HMGCLL1: variants seen among roughly 807,000 people sequenced by gnomAD.
HMGCLL1 encodes 3-hydroxy-3-methylglutaryl-CoA lyase like 1, also known as 3-hydroxymethyl-3-methylglutaryl-CoA lyase, cytoplasmic.
A neutral mutation model predicts 39.1 loss-of-function variants in HMGCLL1; 36 were observed. That is an observed-to-expected ratio of 0.92 (90% CI 0.71 to 1.22). The LOEUF is 1.22. Among genes scored for constraint, HMGCLL1 ranks in the 50% most tolerant of loss-of-function variants. HMGCLL1 has a pLI of 0.00. For synonymous variants in HMGCLL1, 149 were observed against 144.0 expected (o/e 1.03, Z -0.25); for missense variants, 451 against 416.5 (o/e 1.08, Z -0.72).
At chr6:55,463,482 C>A (rs1764673175) in intron 7 of HMGCLL1, among the ~76,000 whole-genome samples, 4 of 147,752 alleles carry the variant, frequency 2.7e-5, no homozygotes, top group Admixed American at 2.0e-4. Context: ...TTCTTTAGAA[C>A]TCTCTACTAA....
At chr6:55,623,055 C>G in the HMGCLL1 span, among the ~76,000 whole-genome samples, 499 of 152,002 alleles carry the variant, frequency 3.3e-3, 5 homozygotes, top group Middle Eastern at 0.01. Context: ...TATATAGTTG[C>G]TCATAATAGT....
chr6:55,541,800 T>C lies in HMGCLL1; in HGVS notation c.226A>G (p.Asn76Asp). The C allele has an allele frequency of 2.5e-6, 4 of 1,608,020 alleles. No homozygotes were observed. Among genetic ancestry groups the C allele is most frequent in the East Asian group, 2.2e-5 (1 of 44,646 alleles). The change falls in exon 3 of 9, where the codon AAT becomes GAT. Residue 76 changes from asparagine to aspartate, a missense_variant. By Grantham distance (23) the Asn-to-Asp change is conservative. Coordinates refer to ENST00000274901, the MANE Select transcript of HMGCLL1 (RefSeq NM_001042406.2). The stretch of plus-strand genomic sequence containing the variant: ...GACAAGCCAGTTTGGGAAAGTCGAT[T>C]GATAAATTCAATTTTTATATCTGTA... The part of the protein sequence containing the change: ...VPTDIKIEFI[N>D]RLSQTGLSVI...
the HMGCLL1 span, among the ~76,000 whole-genome samples, chr6:55,643,069 C>A: frequency 5.9e-5 from 9 of 152,112 alleles, no homozygotes; most frequent in Middle Eastern, 3.4e-3. Flanking sequence ...GTTTCCATTT[C>A]TTTACTATTG....
intron 3 of HMGCLL1, among the ~76,000 whole-genome samples, chr6:55,517,679 A>G (rs1767813206): frequency 6.6e-6 from 1 of 151,954 alleles, no homozygotes; most frequent in Admixed American, 6.6e-5. Flanking sequence ...AAATATTATA[A>G]TATTAAATAT....
chr6:55,623,751 TA>T, the HMGCLL1 span, among the ~76,000 whole-genome samples: 12 of 151,582 alleles, frequency 7.9e-5, no homozygotes, highest in East Asian at 2.3e-3. Flanking sequence ...TGTGTGTACA[TA>T]TATGTGTGTA....
intron 7 of HMGCLL1, among the ~76,000 whole-genome samples, chr6:55,450,704 G>A (rs956493176): frequency 6.6e-6 from 1 of 152,090 alleles, no homozygotes; most frequent in African/African-American, 2.4e-5. Flanking sequence ...ATAAAAGACA[G>A]AGCTAATTAA....
intron 1 of HMGCLL1, among the ~76,000 whole-genome samples, chr6:55,565,924 A>T (rs1035580900): frequency 6.6e-6 from 1 of 152,050 alleles, no homozygotes; most frequent in African/African-American, 2.4e-5. Flanking sequence ...CAGCTTTAAC[A>T]TTTGACCAGG....
At chr6:55,552,671 A>G (rs374840045) in intron 1 of HMGCLL1, among the ~76,000 whole-genome samples, 16 of 152,068 alleles carry the variant, frequency 1.1e-4, no homozygotes, top group East Asian at 1.9e-4. Context: ...TACTGAGTGG[A>G]CATTTAATGT....
At chr6:55,657,617 A>G in the HMGCLL1 span, among the ~76,000 whole-genome samples, 2 of 151,926 alleles carry the variant, frequency 1.3e-5, no homozygotes, top group African/African-American at 2.4e-5. Flanking sequence ...AGTCATGTTC[A>G]TTGTAGCACT....
At chr6:55,670,596 G>A in the HMGCLL1 span, among the ~76,000 whole-genome samples, 2 of 151,842 alleles carry the variant, frequency 1.3e-5, no homozygotes, top group South Asian at 4.1e-4. Flanking sequence ...ATATAGTTAT[G>A]TTTCCATATT....
At chr6:55,580,437 A>T (rs1771959759), upstream of HMGCLL1, among the ~76,000 whole-genome samples, 1 of 58,950 alleles carries the variant, frequency 1.7e-5, no homozygotes, top group Non-Finnish European at 3.4e-5. Flanking sequence ...TTTTTTTGAG[A>T]CGGAGTCTCG....
At chr6:55,565,060 A>T (rs529406117) in intron 1 of HMGCLL1, among the ~76,000 whole-genome samples, 1 of 152,190 alleles carries the variant, frequency 6.6e-6, no homozygotes, top group East Asian at 1.9e-4. Context: ...TTAATATATT[A>T]AAAGAAAAAA....
chr6:55,589,722 A>G, the HMGCLL1 span, among the ~76,000 whole-genome samples: 1 of 150,316 alleles, frequency 6.7e-6, no homozygotes, highest in African/African-American at 2.4e-5. Context: ...TACAAAATCA[A>G]TGTGCAAAAA....
At chr6:55,582,998 T>C (rs1772011193), upstream of HMGCLL1, among the ~76,000 whole-genome samples, 1 of 152,068 alleles carries the variant, frequency 6.6e-6, no homozygotes, top group East Asian at 1.9e-4. Flanking sequence ...TACGAATCTT[T>C]GTATGTATAA....
chr6:55,604,563 A>G, the HMGCLL1 span, among the ~76,000 whole-genome samples: 1 of 152,210 alleles, frequency 6.6e-6, no homozygotes, highest in Admixed American at 6.6e-5. Context: ...ATTATACTAG[A>G]GGGACATATT....
At chr6:55,450,833 GA>G (rs1561887607) in intron 7 of HMGCLL1, among the ~76,000 whole-genome samples, 1 of 152,124 alleles carries the variant, frequency 6.6e-6, no homozygotes, top group Non-Finnish European at 1.5e-5. Context: ...GAAATAAATA[GA>G]AAAAACTGTC....
At chr6:55,551,108 G>GT (rs1770305814) in intron 1 of HMGCLL1, among the ~76,000 whole-genome samples, 1 of 150,674 alleles carries the variant, frequency 6.6e-6, no homozygotes, top group East Asian at 1.9e-4. Flanking sequence ...TGAGGACCTT[G>GT]TAATACTAAG....
intron 7 of HMGCLL1, among the ~76,000 whole-genome samples, chr6:55,483,496 C>G (rs901238469): frequency 7.9e-5 from 12 of 152,134 alleles, no homozygotes; most frequent in African/African-American, 2.7e-4. Flanking sequence ...ATCTCTTGAC[C>G]TCATGATCTG....
the HMGCLL1 span, among the ~76,000 whole-genome samples, chr6:55,588,342 T>G: frequency 2.0e-5 from 3 of 152,034 alleles, 1 homozygote; most frequent in South Asian, 4.2e-4. Context: ...AATAAAGATG[T>G]TCTTTGAAAC....
Sources: allele counts gnomAD v4.1 joint callset (sites outside exome capture counted in the v4.1 genomes callset), GRCh38; gene constraint gnomAD v4.1.1; transcripts MANE v1.5; gene names NCBI Gene and HGNC (gene_info 2026-07-23, HGNC 2026-07-21).